Variants in KLHL4 observed in about 807,000 individuals in gnomAD.
KLHL4 encodes the protein kelch-like protein 4.
In KLHL4, 17 loss-of-function variants were observed where a neutral mutation model predicts 45.8. The observed-to-expected ratio is 0.37, with a 90% confidence interval of 0.25 to 0.56. The LOEUF is 0.56. Among genes scored for constraint, KLHL4 ranks in the 20% least tolerant of loss-of-function variants. KLHL4 has a pLI of 0.79. For missense variants in KLHL4, 544 were observed against 544.9 expected, an observed-to-expected ratio of 1.00 and a Z score of 0.02; for synonymous variants, 224 against 189.9, an observed-to-expected ratio of 1.18 and a Z score of -1.47.
chrX:87,608,561 G>T (rs932057392), intron 1 of KLHL4, among the ~76,000 whole-genome samples: 1 of 110,177 alleles, frequency 9.1e-6, no homozygotes, highest in East Asian at 2.9e-4. Flanking sequence ...CCGGGGTAAA[G>T]AAAAGAGATT....
In KLHL4 at chrX:87,667,474, A is replaced by C; in HGVS notation, c.*940A>C. On this transcript the variant is annotated 3_prime_UTR_variant, in exon 11 of 11. Transcript: ENST00000373119. ...ATGTTACTCAGTGTTAACACATGGG[A>C]ACACCAAAATATTCAATAAGCCTGG... 1.4e-6 allele frequency: 1 copy of C among 726,572 alleles called. No homozygotes were observed. Among genetic ancestry groups the C allele is most frequent in the Non-Finnish European group, 1.6e-6 (1 of 614,062 alleles). The allele number at this position is 726,572 out of a possible 1,213,427, so 59.9% of individuals were successfully genotyped here.
chrX:87,653,994 C>T (rs896706873), intron 9 of KLHL4, among the ~76,000 whole-genome samples: 9 of 109,960 alleles, frequency 8.2e-5, no homozygotes, highest in South Asian at 3.9e-4. Flanking sequence ...GTGTGGGGGT[C>T]GGGGAGATCA....
chrX:87,616,350 CT>C (rs1179513197), intron 3 of KLHL4, among the ~76,000 whole-genome samples: 4 of 111,589 alleles, frequency 3.6e-5, no homozygotes, highest in African/African-American at 3.2e-5. Context: ...CAACTTTCAC[CT>C]TTCTCCTGAC....
intron 1 of KLHL4, among the ~76,000 whole-genome samples, chrX:87,575,984 G>A (rs930759084): frequency 7.2e-5 from 8 of 111,510 alleles, no homozygotes; most frequent in Admixed American, 3.8e-4. Context: ...TTATAGTGTT[G>A]GTTTGAAAAT....
chrX:87,656,881 T>A (rs1260010566), intron 9 of KLHL4, among the ~76,000 whole-genome samples: 1 of 112,079 alleles, frequency 8.9e-6, no homozygotes, highest in Non-Finnish European at 1.9e-5. Flanking sequence ...CCCTTAAGGA[T>A]GTGAATATAA....
chrX:87,633,949 G>T (rs1310813666), intron 8 of KLHL4, 38 bp downstream of exon 8: 1 of 1,117,802 alleles, frequency 8.9e-7, no homozygotes, highest in Non-Finnish European at 1.2e-6. Flanking sequence ...TTGCTCCCAG[G>T]TCATATAGTA....
At position 87,669,023 on chromosome X, in the gene KLHL4, C is replaced by A. The variant is rs954611984; in HGVS notation, c.*2489C>A. 10 of 837,570 alleles carry A rather than the reference C, an allele frequency of 1.2e-5. No individual in the cohort carries two copies. The African/African-American group carries it at 2.2e-4, about 18-fold the overall frequency. 69.0% of individuals were successfully genotyped at this position (837,570 alleles called of 1,213,427 possible). A position where few individuals can be genotyped will look rare whatever the true frequency, so the allele number is the denominator to read the frequency against. Reference sequence around the variant, plus strand: ...CCCAGGGCACTCAAACATAACTGTGCTTGTCTCAGTCAAACTTAATTGGGA... The same window carrying A: ...CCCAGGGCACTCAAACATAACTGTGATTGTCTCAGTCAAACTTAATTGGGA... On this transcript the variant is annotated 3_prime_UTR_variant, in exon 11 of 11. Coordinates refer to ENST00000373119, the MANE Select transcript of KLHL4 (RefSeq NM_019117.5).
intron 6 of KLHL4, 105 bp downstream of exon 6, chrX:87,625,901 G>T: frequency 1.7e-6 from 1 of 605,254 alleles, no homozygotes; most frequent in Non-Finnish European, 2.5e-6. Flanking sequence ...CACCTAAAGT[G>T]AATTTTCATA....
Position 87,641,635 on chromosome X carries a change from T to C in KLHL4, c.1925+5860T>C, listed in dbSNP as rs969941585. On this transcript the variant is annotated intron_variant, in intron 9 of 10. Transcript: ENST00000373119. ...TTCTTTTGCAGCTTGGAAGCAGGTATCCTGGGGCAAGTTTTCAAGCCCGTC... is the reference window on the plus strand; with the variant it reads ...TTCTTTTGCAGCTTGGAAGCAGGTACCCTGGGGCAAGTTTTCAAGCCCGTC... Among the ~76,000 whole-genome samples the C allele has an allele frequency of 3.6e-5, 4 of 111,132 alleles. No individual in the cohort carries two copies. The Admixed American group carries it at 3.8e-4, about 11-fold the overall frequency.
rs543383956 is a variant in KLHL4, at chrX:87,592,480, G to A, written c.423-21397G>A. On this transcript the variant is annotated intron_variant, in intron 1 of 10. Coordinates refer to ENST00000373119, the MANE Select transcript of KLHL4 (RefSeq NM_019117.5). ...TTACTAATTTACATTCCCACCAACA[G>A]TGTACAAGGGCCCCCTTTTCTCCAC... Among the ~76,000 whole-genome samples, 5 of 111,674 alleles carry A rather than the reference G, an allele frequency of 4.5e-5. No individual in the cohort carries two copies. In the East Asian group the frequency reaches 8.5e-4, roughly 19 times the overall value.
At chrX:87,641,621 C>T (rs1923461325) in intron 9 of KLHL4, among the ~76,000 whole-genome samples, 1 of 111,494 alleles carries the variant, frequency 9.0e-6, no homozygotes, top group Admixed American at 9.5e-5. Flanking sequence ...TCTTTTGCAG[C>T]TTGGAAGCAG....
At chrX:87,565,685 CAAAAAAAAAA>C (rs748577568) in intron 1 of KLHL4, among the ~76,000 whole-genome samples, 3 of 26,260 alleles carry the variant, frequency 1.1e-4, no homozygotes, top group African/African-American at 3.3e-4. Flanking sequence ...GTGATTGTGC[CAAAAAAAAAA>C]AAAAAAAAAA....
chrX:87,608,642 G>A (rs1465692150), intron 1 of KLHL4, among the ~76,000 whole-genome samples: 1 of 111,354 alleles, frequency 9.0e-6, no homozygotes, highest in African/African-American at 3.3e-5. Flanking sequence ...GTGAGGCCTT[G>A]GCAGCTTTTA....
intron 6 of KLHL4, among the ~76,000 whole-genome samples, chrX:87,626,292 G>T (rs886854408): frequency 9.0e-6 from 1 of 111,505 alleles, no homozygotes; most frequent in African/African-American, 3.3e-5. Context: ...GGCCTTCTAG[G>T]TCATAAGTAG....
chrX:87,555,711 T>C (rs1477376335), intron 1 of KLHL4, among the ~76,000 whole-genome samples: 1 of 106,875 alleles, frequency 9.4e-6, no homozygotes, highest in Non-Finnish European at 1.9e-5. Flanking sequence ...TTTGTGTCTC[T>C]ATTTCCTTCA....
At chrX:87,665,001 T>A (rs937002447) in intron 10 of KLHL4, 66 bp downstream of exon 10, 1 of 741,402 alleles carries the variant, frequency 1.3e-6, no homozygotes, top group African/African-American at 2.2e-5. Flanking sequence ...TAAATTATAT[T>A]TTTGAAATTA....
intron 1 of KLHL4, among the ~76,000 whole-genome samples, chrX:87,530,306 C>T (rs1361829216): frequency 9.3e-6 from 1 of 107,805 alleles, no homozygotes; most frequent in Non-Finnish European, 1.9e-5. Flanking sequence ...TTTTAGGGTA[C>T]ATGTGCACAT....
At chrX:87,533,264 T>C (rs1931345514) in intron 1 of KLHL4, among the ~76,000 whole-genome samples, 1 of 103,753 alleles carries the variant, frequency 9.6e-6, no homozygotes, top group Non-Finnish European at 2.0e-5. Flanking sequence ...CGTATGTTTA[T>C]TGCGGCACTA....
At chrX:87,575,639 A>T (rs995036694) in intron 1 of KLHL4, among the ~76,000 whole-genome samples, 1 of 111,866 alleles carries the variant, frequency 8.9e-6, no homozygotes, top group Non-Finnish European at 1.9e-5. Flanking sequence ...GTCAGGAAAA[A>T]CAGGTGATAT....
Sources: gnomAD v4.1 joint callset for allele counts (sites outside exome capture counted in the v4.1 genomes callset) on GRCh38, gnomAD v4.1.1 for gene constraint, MANE v1.5 for transcripts, NCBI Gene and HGNC (gene_info 2026-07-23, HGNC 2026-07-21) for gene names.